MACROD1: variants seen among roughly 807,000 people sequenced by gnomAD.
The protein encoded by MACROD1 is mono-ADP ribosylhydrolase 1.
A neutral mutation model predicts 41.4 loss-of-function variants in MACROD1; 31 were observed. The observed-to-expected ratio is 0.75, with a 90% CI of 0.56 to 1.01. MACROD1 has a LOEUF of 1.01. Ranked by LOEUF, MACROD1 falls within the 50% of genes least tolerant of loss-of-function variation. The pLI is 0.00. For missense variants in MACROD1, 473 were observed against 460.0 expected (o/e 1.03, Z -0.26); for synonymous variants, 252 against 203.4 (o/e 1.24, Z -2.03).
chr11:64,114,537 A>G lies in MACROD1; in HGVS notation c.517+36702T>C, dbSNP rs1432693534. On this transcript the variant is annotated intron_variant, in intron 3 of 10. Coordinates refer to ENST00000255681, the MANE Select transcript of MACROD1 (RefSeq NM_014067.4). Reference sequence around the variant, plus strand: ...GATGGATGGATGGACAGGTGGATGTATGGATTGATGCATGGATGGATGGAT... The same window carrying G: ...GATGGATGGATGGACAGGTGGATGTGTGGATTGATGCATGGATGGATGGAT... Among the ~76,000 whole-genome samples the G allele has an allele frequency of 2.7e-5, 3 of 112,862 alleles. No individual in the cohort carries two copies. In the Admixed American group the frequency reaches 2.8e-4, roughly 10 times the overall value. The allele number at this position is 112,862 out of a possible 152,430, so 74.0% of individuals were successfully genotyped here.
At position 64,143,059 on chromosome 11, in the gene MACROD1, A is replaced by G. The variant is rs1945435716; in HGVS notation, c.517+8180T>C. Among the ~76,000 whole-genome samples the G allele has an allele frequency of 1.5e-5, 2 of 135,482 alleles. 1 individual carries two copies. The highest frequency in any genetic ancestry group is 5.2e-4 in the South Asian group (2 of 3,832). 88.9% of individuals were successfully genotyped at this position (135,482 alleles called of 152,430 possible). ...ACCCCAGGAGGTGGAGGCTGCAGTGAGCCATGATTGCACCACTGTACTCCA... is the reference window on the plus strand; with the variant it reads ...ACCCCAGGAGGTGGAGGCTGCAGTGGGCCATGATTGCACCACTGTACTCCA... On this transcript the variant is annotated intron_variant, in intron 3 of 10. Transcript: ENST00000255681.
At chr11:64,117,527 C>T in intron 3 of MACROD1, 1 of 1,603,700 alleles carries the variant, frequency 6.2e-7, no homozygotes, top group Non-Finnish European at 8.5e-7. Flanking sequence ...CAGGGCTGCG[C>T]CTCCCCGACT....
At chr11:64,024,312 A>G (rs1943197195) in intron 3 of MACROD1, among the ~76,000 whole-genome samples, 1 of 152,238 alleles carries the variant, frequency 6.6e-6, no homozygotes, top group Non-Finnish European at 1.5e-5. Context: ...GCATTGGGCC[A>G]AGTATTTCCA....
At position 64,117,478 on chromosome 11, in the gene MACROD1, C is replaced by T. The variant is rs369112014; in HGVS notation, c.517+33761G>A. ...GCCAGCAACCACGCCTCTGCCACCA[C>T]GCCCCAGGGTTCCCTGTTTACCCTC... is the stretch of plus-strand genomic sequence containing the variant. On this transcript the variant is annotated intron_variant, in intron 3 of 10. Coordinates refer to ENST00000255681, the MANE Select transcript of MACROD1 (RefSeq NM_014067.4). The T allele has an allele frequency of 1.2e-4, 189 of 1,612,592 alleles. 1 individual carries two copies. Among genetic ancestry groups the T allele is most frequent in the East Asian group, 1.3e-4 (6 of 44,860 alleles).
intron 3 of MACROD1, chr11:64,103,988 G>T (rs11231696): frequency 0.089 from 13,525 of 152,388 alleles, 1,973 homozygotes; most frequent in African/African-American, 0.31. Flanking sequence ...GGGAGCCCCA[G>T]TGCTGCCCAG....
At chr11:64,012,935 A>C (rs763855650) in intron 4 of MACROD1, among the ~76,000 whole-genome samples, 12 of 152,126 alleles carry the variant, frequency 7.9e-5, no homozygotes, top group Non-Finnish European at 1.8e-4. Flanking sequence ...GCCCGGGCTC[A>C]AGTGATCCTC....
chr11:64,026,803 G>A (rs1362731385), intron 3 of MACROD1, among the ~76,000 whole-genome samples: 1 of 151,988 alleles, frequency 6.6e-6, no homozygotes, highest in Non-Finnish European at 1.5e-5. Flanking sequence ...CCTCTGCCTG[G>A]CACACTCTTC....
chr11:63,999,443 C>A, intron 7 of MACROD1, 39 bp from the exon 8 acceptor site: 6 of 1,557,578 alleles, frequency 3.9e-6, no homozygotes, highest in Non-Finnish European at 5.2e-6. Flanking sequence ...TAGGCTCTGG[C>A]CCCGCCCACT....
chr11:64,095,980 C>CT (rs985478144), intron 3 of MACROD1, among the ~76,000 whole-genome samples: 1 of 34,048 alleles, frequency 2.9e-5, no homozygotes, highest in Non-Finnish European at 1.3e-4. Context: ...GTCCCCCCAC[C>CT]CCCCAGGGGC....
intron 4 of MACROD1, among the ~76,000 whole-genome samples, chr11:64,005,075 G>C (rs1047953527): frequency 6.9e-6 from 1 of 144,538 alleles, no homozygotes; most frequent in African/African-American, 2.5e-5. Context: ...CGTTGCCCAG[G>C]CTGGAGTGCA....
At chr11:64,011,134 TGGCACGAGTTG>T (rs1943009993) in intron 4 of MACROD1, among the ~76,000 whole-genome samples, 1 of 140,800 alleles carries the variant, frequency 7.1e-6, no homozygotes, top group Non-Finnish European at 1.5e-5. Flanking sequence ...GCATATTGGT[TGGCACGAGTTG>T]GTTGGGGTGT....
chr11:63,998,717 A>G lies in MACROD1; in HGVS notation c.*31-30T>C, dbSNP rs575330395. On this transcript the variant is annotated intron_variant, in intron 10 of 10. Transcript: ENST00000255681. The stretch of plus-strand genomic sequence containing the variant: ...GGGCAGAGCAGAGTCAGAGGTGTCT[A>G]TGGGCGTCCCCGACCTCCCAGGCTG... The G allele has an allele frequency of 3.3e-5, 46 of 1,411,044 alleles. No individual in the cohort carries two copies. The South Asian group carries it at 4.6e-4, about 14-fold the overall frequency. The allele number at this position is 1,411,044 out of a possible 1,614,324, so 87.4% of individuals were successfully genotyped here.
rs1462249662 is a variant in MACROD1 at position 64,165,836 on chromosome 11, G to A, written c.159C>T (p.Arg53=). 2 of 1,476,074 alleles carry A rather than the reference G, an allele frequency of 1.4e-6. No individual in the cohort carries two copies. Among genetic ancestry groups the A allele is most frequent in the East Asian group, 3.0e-5 (1 of 33,462 alleles). 91.4% of individuals were successfully genotyped at this position (1,476,074 alleles called of 1,614,324 possible). A position where few individuals can be genotyped will look rare whatever the true frequency, so the allele number is the denominator to read the frequency against. ...CAACTCCCGCCGAGGTCCGCGCACGGCGGCCGAACACGCCCAGGAACGCCG... is the reference window on the plus strand; with the variant it reads ...CAACTCCCGCCGAGGTCCGCGCACGACGGCCGAACACGCCCAGGAACGCCG... The part of the protein sequence containing the change: ...GPPAFLGVFG[R]RARTSAGVGA... Residue 53 remains arginine, a synonymous_variant, in exon 1 of 11, where the codon CGC becomes CGT. Transcript: ENST00000255681.
chr11:64,009,009 A>C (rs954045997), intron 4 of MACROD1: 1 of 152,198 alleles, frequency 6.6e-6, no homozygotes, highest in Non-Finnish European at 1.5e-5. Context: ...ATTTAGATGA[A>C]TAATTGAAAC....
At chr11:64,062,103 C>T (rs1943916954) in intron 3 of MACROD1, among the ~76,000 whole-genome samples, 1 of 151,968 alleles carries the variant, frequency 6.6e-6, no homozygotes, top group Non-Finnish European at 1.5e-5. Flanking sequence ...GTCTGCTTAG[C>T]TGTGCTGAAA....
At position 63,998,964 on chromosome 11, in the gene MACROD1, A is replaced by T. The variant is rs1333528168; in HGVS notation, c.964T>A (p.Phe322Ile). ...GGCGCGGGGCACGTACCCACGGGGA[A>T]GTAGTGGGGGAGCCGGCTCCGGTAG... ...DIYRSRLPHY[F>I]PVA The change falls in exon 9 of 11, where the codon TTC becomes ATC. Residue 322 changes from phenylalanine (F) to isoleucine (I), a missense_variant. Transcript: ENST00000255681. 6.2e-7 allele frequency: 1 copy of T among 1,602,238 alleles called. No individual in the cohort carries two copies. The highest frequency in any genetic ancestry group is 8.5e-7 in the Non-Finnish European group (1 of 1,175,732).
chr11:64,117,085 A>G (rs753537051), intron 3 of MACROD1: 1 of 1,603,704 alleles, frequency 6.2e-7, no homozygotes, highest in Non-Finnish European at 8.5e-7. Context: ...GCCCACCTGC[A>G]GAAGCTCTAC....
intron 1 of MACROD1, among the ~76,000 whole-genome samples, chr11:64,165,460 C>T (rs1945824766): frequency 6.6e-6 from 1 of 152,186 alleles, no homozygotes; most frequent in South Asian, 2.1e-4. Context: ...CCTCACGCTG[C>T]CCCCTGCGTG....
Position 64,165,924 on chromosome 11 carries a change from G to A in MACROD1, c.71C>T (p.Pro24Leu), listed in dbSNP as rs1945837191. The part of the protein sequence containing the change: ...LRAAGQLLVP[P>L]RPRPGHLAGA... ...CGCCAAGTGTCCGGGCCGGGGGCGC[G>A]GGGGGACGAGCAGCTGCCCCGCCGC... Residue 24 changes from proline to leucine, a missense_variant, in exon 1 of 11, where the codon CCG becomes CTG. Pro to Leu is a moderately conservative substitution (Grantham distance 98, BLOSUM62 -3). Transcript: ENST00000255681. 2 of 1,326,510 alleles carry A rather than the reference G, an allele frequency of 1.5e-6. No individual in the cohort carries two copies. Among genetic ancestry groups the A allele is most frequent in the East Asian group, 6.2e-5 (2 of 32,366 alleles). The allele number at this position is 1,326,510 out of a possible 1,614,324, so 82.2% of individuals were successfully genotyped here. A position where few individuals can be genotyped will look rare whatever the true frequency, so the allele number is the denominator to read the frequency against.
Sources: allele counts gnomAD v4.1 joint callset (sites outside exome capture counted in the v4.1 genomes callset), GRCh38; gene constraint gnomAD v4.1.1; transcripts MANE v1.5; gene names NCBI Gene and HGNC (gene_info 2026-07-23, HGNC 2026-07-21).